Variants in FHL1 observed in about 807,000 individuals in gnomAD.
The protein encoded by FHL1 is four and a half LIM domains protein 1.
FHL1 carries 1 observed loss-of-function variant against 20.3 expected under a neutral mutation model. The ratio of observed to expected loss-of-function variants is 0.05; its 90% CI spans 0.02 to 0.23. The LOEUF is 0.23. Ranked by LOEUF, FHL1 falls within the 10% of genes least tolerant of loss-of-function variation. The probability of loss-of-function intolerance (pLI) is 1.00; values close to 1 mark genes in which losing one functional copy is unlikely to be tolerated. For synonymous variants in FHL1, 82 were observed against 88.9 expected (o/e 0.92, Z 0.44); for missense variants, 177 against 234.0 (o/e 0.76, Z 1.59).
chrX:136,208,043 C>G, intron 4 of FHL1, 82 bp downstream of exon 4: 1 of 1,031,188 alleles, frequency 9.7e-7, no homozygotes, highest in Non-Finnish European at 1.4e-6. Context: ...CACACACTAT[C>G]CCATTCCATC....
At chrX:136,162,263 G>T (rs1400794549) in intron 1 of FHL1, among the ~76,000 whole-genome samples, 1 of 111,113 alleles carries the variant, frequency 9.0e-6, no homozygotes. Flanking sequence ...AGAGTCAGGA[G>T]TTTTGAATCC....
intron 2 of FHL1, among the ~76,000 whole-genome samples, chrX:136,190,752 C>T (rs960791921): frequency 8.9e-6 from 1 of 111,757 alleles, no homozygotes; most frequent in Non-Finnish European, 1.9e-5. Flanking sequence ...GAGTAAAGAT[C>T]CCTTGCTAAT....
At chrX:136,178,611 A>AC (rs1040605304) in intron 2 of FHL1, among the ~76,000 whole-genome samples, 2 of 110,908 alleles carry the variant, frequency 1.8e-5, no homozygotes, top group Non-Finnish European at 3.8e-5. Flanking sequence ...CAAACAGACA[A>AC]AACAACAACA....
At chrX:136,205,117 G>A (rs2073808300) in intron 1 of FHL1, among the ~76,000 whole-genome samples, 1 of 111,678 alleles carries the variant, frequency 9.0e-6, no homozygotes, top group Non-Finnish European at 1.9e-5. Flanking sequence ...TTTCTTTTTC[G>A]GGGGAGAGGA....
rs1245647925 is a variant in FHL1, at chrX:136,210,376, A to G, written c.*351A>G. ...AGCATAGGAGATAAAACCCCCACTG[A>G]GATGCCTCTCATGCCTCAGCTGGGA... On this transcript the variant is annotated 3_prime_UTR_variant, in exon 6 of 6. Transcript: ENST00000370683. 1 of 399,080 alleles carries G rather than the reference A, an allele frequency of 2.5e-6. No homozygotes were observed. Among genetic ancestry groups the G allele is most frequent in the African/African-American group, 2.4e-5 (1 of 41,028 alleles). The allele number at this position is 399,080 out of a possible 1,213,427, so 32.9% of individuals were successfully genotyped here.
At chrX:136,168,642 C>A (rs1400117020), upstream of FHL1, among the ~76,000 whole-genome samples, 2 of 111,480 alleles carry the variant, frequency 1.8e-5, no homozygotes, top group South Asian at 7.6e-4. Context: ...AGAACCCTGT[C>A]CCTATAGTCA....
intron 1 of FHL1, among the ~76,000 whole-genome samples, chrX:136,152,846 T>A (rs942539791): frequency 3.6e-5 from 4 of 110,925 alleles, no homozygotes; most frequent in African/African-American, 1.3e-4. Context: ...GAATTCTACC[T>A]GGAATTTGTT....
chrX:136,208,959 A>AGGGG (rs1488927020), intron 5 of FHL1, among the ~76,000 whole-genome samples: 1 of 3,627 alleles, frequency 2.8e-4, no homozygotes, highest in African/African-American at 1.0e-3. Flanking sequence ...GGTAGAAAGA[A>AGGGG]GGGGGTGGGG....
chrX:136,154,259 TA>T (rs1345847561), intron 1 of FHL1, among the ~76,000 whole-genome samples: 1 of 112,799 alleles, frequency 8.9e-6, no homozygotes, highest in Non-Finnish European at 1.9e-5. Context: ...TAAAGGATAC[TA>T]AAAGGCCAAG....
intron 1 of FHL1, among the ~76,000 whole-genome samples, chrX:136,161,752 A>T (rs183261405): frequency 3.2e-4 from 36 of 111,720 alleles, no homozygotes; most frequent in Middle Eastern, 9.3e-3. Context: ...ATAAAAAAAT[A>T]TTTATCCAGT....
Position 136,178,785 on chromosome X carries a change from C to A in FHL1, c.-27+8805C>A, listed in dbSNP as rs754983439. On this transcript the variant is annotated intron_variant, in intron 2 of 6. Transcript: ENST00000394153. ...TTTTTTTTTTTTTGAGACATAGTCT[C>A]ACTCTGTTGCCCAGGCTGGTGTGCA... Among the ~76,000 whole-genome samples the A allele has an allele frequency of 2.8e-5, 3 of 106,933 alleles. No homozygotes were observed. In the South Asian group the frequency reaches 1.3e-3, roughly 46 times the overall value. The allele number at this position is 106,933 out of a possible 115,157, so 92.9% of individuals were successfully genotyped here. A position where few individuals can be genotyped will look rare whatever the true frequency, so the allele number is the denominator to read the frequency against.
intron 2 of FHL1, among the ~76,000 whole-genome samples, chrX:136,184,068 T>C (rs1430617473): frequency 8.9e-6 from 1 of 111,860 alleles, no homozygotes; most frequent in Non-Finnish European, 1.9e-5. Flanking sequence ...AAGTTACAAC[T>C]CTGGAGGGAA....
chrX:136,167,569 T>C (rs776168610), upstream of FHL1, among the ~76,000 whole-genome samples: 1 of 110,898 alleles, frequency 9.0e-6, no homozygotes, highest in African/African-American at 3.3e-5. Context: ...TAACAAAACC[T>C]AACATGAACC....
rs1270373904 is a variant in FHL1, at chrX:136,152,815, C to T, written c.-101+5187C>T. Among the ~76,000 whole-genome samples, 4 of 110,462 alleles carry T rather than the reference C, an allele frequency of 3.6e-5. No individual in the cohort carries two copies. In the Admixed American group the frequency reaches 3.9e-4, roughly 11 times the overall value. On this transcript the variant is annotated intron_variant, in intron 1 of 7. Coordinates refer to the FHL1 transcript ENST00000394155. ...AGAATGGAGAGATGAATTGCTATAC[C>T]TTCCTCATCTGATAAGAATCGAATT...
At chrX:136,196,583 C>T (rs1384835505), upstream of FHL1, among the ~76,000 whole-genome samples, 1 of 111,622 alleles carries the variant, frequency 9.0e-6, no homozygotes, top group Non-Finnish European at 1.9e-5. Context: ...GTGACAACAT[C>T]TATAATCCCC....
At chrX:136,189,581 T>C (rs1481977317) in intron 2 of FHL1, among the ~76,000 whole-genome samples, 1 of 111,876 alleles carries the variant, frequency 8.9e-6, no homozygotes, top group Non-Finnish European at 1.9e-5. Flanking sequence ...ATTAATAATA[T>C]ATAGTGCTTA....
At position 136,211,222 on chromosome X, in the gene FHL1, T is replaced by C. The variant is rs1325187495; in HGVS notation, c.*1197T>C. The C allele has an allele frequency of 2.8e-6, 1 of 357,514 alleles. No individual in the cohort carries two copies. Among genetic ancestry groups the C allele is most frequent in the Non-Finnish European group, 5.3e-6 (1 of 187,263 alleles). The allele number at this position is 357,514 out of a possible 1,213,427, so 29.5% of individuals were successfully genotyped here. A position where few individuals can be genotyped will look rare whatever the true frequency, so the allele number is the denominator to read the frequency against. ...TGAGACAATATCAAAAGTAAACATGTAATGACAATACATACTAACATTCTT... is the reference window on the plus strand; with the variant it reads ...TGAGACAATATCAAAAGTAAACATGCAATGACAATACATACTAACATTCTT... On this transcript the variant is annotated 3_prime_UTR_variant, in exon 6 of 6. Transcript: ENST00000370683.
chrX:136,201,392 G>A (rs1310554135), intron 1 of FHL1, among the ~76,000 whole-genome samples: 1 of 111,818 alleles, frequency 8.9e-6, no homozygotes, highest in Non-Finnish European at 1.9e-5. Context: ...CGCATGCGTG[G>A]TGTTTACTGA....
chrX:136,208,338 T>G, intron 4 of FHL1, 117 bp from the exon 5 acceptor site: 1 of 768,566 alleles, frequency 1.3e-6, no homozygotes, highest in Non-Finnish European at 2.0e-6. Context: ...CCATGGCTGT[T>G]GTGGAGATTA....
Sources: gnomAD v4.1 joint callset for allele counts (sites outside exome capture counted in the v4.1 genomes callset) on GRCh38, gnomAD v4.1.1 for gene constraint, MANE v1.5 for transcripts, NCBI Gene and HGNC (gene_info 2026-07-23, HGNC 2026-07-21) for gene names.